Variants in PCGF5 observed in about 807,000 individuals in gnomAD.
PCGF5 encodes the protein polycomb group ring finger 5.
PCGF5 carries 9 observed loss-of-function variants against 44.3 expected under a neutral mutation model. The ratio of observed to expected loss-of-function variants is 0.20; its 90% CI spans 0.12 to 0.35. PCGF5 has a LOEUF of 0.35. Among genes scored for constraint, PCGF5 ranks in the 10% least tolerant of loss-of-function variants. The pLI is 1.00. For synonymous variants in PCGF5, 95 were observed against 102.5 expected, an observed-to-expected ratio of 0.93 and a Z score of 0.44; for missense variants, 146 against 305.3, an observed-to-expected ratio of 0.48 and a Z score of 3.89.
chr10:91,246,950 G>A (rs1156437995), intron 3 of PCGF5, among the ~76,000 whole-genome samples: 2 of 116,602 alleles, frequency 1.7e-5, no homozygotes, highest in African/African-American at 6.6e-5. Flanking sequence ...CAGGCAGATA[G>A]ATAGATGGAT....
At chr10:91,264,390 T>C (rs1845998623) in intron 7 of PCGF5, 41 bp from the exon 8 acceptor site, 2 of 1,442,790 alleles carry the variant, frequency 1.4e-6, no homozygotes. Flanking sequence ...ACTTTTGAAT[T>C]CAACATTATG....
rs559207981 is a variant in PCGF5, at chr10:91,280,503, C to T, written c.*2187C>T. On this transcript the variant is annotated 3_prime_UTR_variant, in exon 10 of 10. Transcript: ENST00000336126. ...GTTTTATATAGAATTCTTTTATTTA[C>T]TGATAATGCATTAACATTTTTATTG... is the stretch of plus-strand genomic sequence containing the variant. 6.6e-6 allele frequency: 1 copy of T among 152,502 alleles called. No homozygotes were observed. Among genetic ancestry groups the T allele is most frequent in the East Asian group, 1.9e-4 (1 of 5,192 alleles). 9.4% of individuals were successfully genotyped at this position (152,502 alleles called of 1,614,324 possible).
At chr10:91,240,381 C>T (rs1024458440) in intron 2 of PCGF5, 103 bp from the exon 3 acceptor site, 3 of 660,038 alleles carry the variant, frequency 4.5e-6, no homozygotes, top group African/African-American at 1.9e-5. Flanking sequence ...TGATATTCTA[C>T]TTGTAGTAGG....
At chr10:91,178,078 C>T (rs994905847) in intron 1 of PCGF5, among the ~76,000 whole-genome samples, 4 of 152,162 alleles carry the variant, frequency 2.6e-5, no homozygotes, top group South Asian at 2.1e-4. Flanking sequence ...ATTTTAATAA[C>T]GATTGGTATA....
intron 1 of PCGF5, among the ~76,000 whole-genome samples, chr10:91,176,242 A>G (rs1347339801): frequency 2.0e-5 from 3 of 151,958 alleles, no homozygotes; most frequent in Non-Finnish European, 4.4e-5. Flanking sequence ...ATTGGCCCCC[A>G]CTCTCTTCTG....
Position 91,186,348 on chromosome 10 carries a change from C to T in PCGF5, c.-184+23267C>T, listed in dbSNP as rs77772166. 5.9e-4 allele frequency among the ~76,000 whole-genome samples: 89 copies of T among 152,054 alleles called. 2 individuals carry two copies. The East Asian group carries it at 0.014, about 24-fold the overall frequency. On this transcript the variant is annotated intron_variant, in intron 1 of 9. Coordinates refer to the PCGF5 transcript ENST00000614189. ...TTCATAGCTCACTAGTTGTCTATGGCGAGAATTCTTAGGTGATTAGCAAGC... is the reference window on the plus strand; with the variant it reads ...TTCATAGCTCACTAGTTGTCTATGGTGAGAATTCTTAGGTGATTAGCAAGC...
Position 91,251,298 on chromosome 10 carries a change from C to G in PCGF5, c.332C>G (p.Thr111Ser). 6.2e-7 allele frequency: 1 copy of G among 1,606,058 alleles called. No individual in the cohort carries two copies. The highest frequency in any genetic ancestry group is 1.1e-5 in the South Asian group (1 of 90,812). The change falls in exon 6 of 10, where the codon ACT becomes AGT. Residue 111 changes from threonine to serine, a missense_variant. Physicochemically the swap from Thr to Ser is moderately conservative, Grantham distance 58 (BLOSUM62 1). Around this residue, in one of 3 missense-constraint regions of PCGF5, gnomAD observed 123 missense variants for 268.6 expected, o/e 0.46. Transcript: ENST00000336126. ...NKPQENGQDD[T>S]SKADKPKVDE... is the part of the protein sequence containing the mutation. ...TTTTGTTTAAATTATACAGATGATA[C>G]TTCAAAAGCTGACAAACCGAAAGTA...
intron 1 of PCGF5, among the ~76,000 whole-genome samples, chr10:91,182,334 G>A (rs1289002055): frequency 6.6e-6 from 1 of 151,940 alleles, no homozygotes; most frequent in African/African-American, 2.4e-5. Context: ...AGATTTTTTA[G>A]TTTATAAGCA....
At chr10:91,259,898 G>A (rs1249339014) in intron 6 of PCGF5, among the ~76,000 whole-genome samples, 1 of 152,052 alleles carries the variant, frequency 6.6e-6, no homozygotes, top group African/African-American at 2.4e-5. Context: ...TCAGGACATA[G>A]GCATGGGCAA....
At position 91,238,601 on chromosome 10, in the gene PCGF5, C is replaced by CTTTTTTTTTTTTTTTT. The variant is rs71487496; in HGVS notation, c.113-1868_113-1853dup. ...CTCTCATTTCTTTCTTTCTTTCTTT[C>CTTTTTTTTTTTTTTTT]TTTTTTTTTTTTTTTTTTTTTTTTT... On this transcript the variant is annotated intron_variant, in intron 2 of 9. Coordinates refer to ENST00000336126, the MANE Select transcript of PCGF5 (RefSeq NM_032373.5). Among the ~76,000 whole-genome samples, 184 of 58,526 alleles carry CTTTTTTTTTTTTTTTT rather than the reference C, an allele frequency of 3.1e-3. 3 individuals carry two copies. Among genetic ancestry groups the CTTTTTTTTTTTTTTTT allele is most frequent in the East Asian group, 0.01 (20 of 1,956 alleles). The allele number at this position is 58,526 out of a possible 152,430, so 38.4% of individuals were successfully genotyped here. A position where few individuals can be genotyped will look rare whatever the true frequency, so the allele number is the denominator to read the frequency against.
intron 1 of PCGF5, among the ~76,000 whole-genome samples, chr10:91,202,117 A>G (rs971567325): frequency 2.0e-5 from 3 of 151,826 alleles, no homozygotes; most frequent in African/African-American, 4.9e-5. Flanking sequence ...CTCACCCCCT[A>G]GGATTATTGT....
chr10:91,214,179 A>G (rs1291171845), intron 1 of PCGF5, among the ~76,000 whole-genome samples: 2 of 152,064 alleles, frequency 1.3e-5, no homozygotes, highest in Non-Finnish European at 2.9e-5. Context: ...GTATGTACCC[A>G]TGGTCCCAGC....
chr10:91,251,548 A>G, intron 6 of PCGF5, 108 bp downstream of exon 6: 1 of 1,032,874 alleles, frequency 9.7e-7, no homozygotes, highest in Non-Finnish European at 1.4e-6. Context: ...CAAAGTTTTA[A>G]TTAACATAAT....
At chr10:91,241,662 T>C (rs955841860) in intron 3 of PCGF5, among the ~76,000 whole-genome samples, 1 of 151,738 alleles carries the variant, frequency 6.6e-6, no homozygotes, top group African/African-American at 2.4e-5. Flanking sequence ...TTTAGTACTT[T>C]TGAACTTAAA....
chr10:91,267,722 T>G (rs1846080814), intron 8 of PCGF5, among the ~76,000 whole-genome samples: 1 of 152,140 alleles, frequency 6.6e-6, no homozygotes, highest in Admixed American at 6.6e-5. Flanking sequence ...AAACAATCAT[T>G]TCTTGATTGA....
In PCGF5 at chr10:91,251,425, G is replaced by A; in HGVS notation, c.459G>A (p.Gly153=). The change falls in exon 6 of 10, where the codon GGG becomes GGA. Residue 153 remains glycine, a synonymous_variant. Coordinates refer to ENST00000336126, the MANE Select transcript of PCGF5 (RefSeq NM_032373.5). ...LDCLRNNGQS[G]DNVVKGLMKK... ...GTTTACGAAATAATGGGCAATCAGG[G>A]GACAATGTAGTAAAGGTGAGTGAAC... is the stretch of plus-strand genomic sequence containing the variant. 6.2e-7 allele frequency: 1 copy of A among 1,610,890 alleles called. No individual in the cohort carries two copies. Among genetic ancestry groups the A allele is most frequent in the Non-Finnish European group, 8.5e-7 (1 of 1,177,900 alleles).
At chr10:91,203,727 C>T (rs1271574881) in intron 1 of PCGF5, among the ~76,000 whole-genome samples, 5 of 152,056 alleles carry the variant, frequency 3.3e-5, no homozygotes, top group Admixed American at 6.5e-5. Flanking sequence ...TTGTTTTCTC[C>T]GTTCTCTTAA....
chr10:91,173,160 G>A (rs1215552402), intron 1 of PCGF5, among the ~76,000 whole-genome samples: 1 of 152,202 alleles, frequency 6.6e-6, no homozygotes, highest in Non-Finnish European at 1.5e-5. Flanking sequence ...TACCATATGG[G>A]ATGCAACACA....
chr10:91,283,625 C>G lies in PCGF5; in HGVS notation c.*5309C>G, dbSNP rs1846505136. The G allele has an allele frequency of 1.3e-5, 2 of 151,644 alleles. No individual in the cohort carries two copies. Among genetic ancestry groups the G allele is most frequent in the South Asian group, 4.2e-4 (2 of 4,814 alleles). The allele number at this position is 151,644 out of a possible 1,614,324, so 9.4% of individuals were successfully genotyped here. On this transcript the variant is annotated 3_prime_UTR_variant, in exon 10 of 10. Transcript: ENST00000336126. Reference sequence around the variant, plus strand: ...GATCAGCCTAGCATTGTTTGGTGTTCTTTTGTTGTATTTTTTAGAATGGGG... The same window carrying G: ...GATCAGCCTAGCATTGTTTGGTGTTGTTTTGTTGTATTTTTTAGAATGGGG...
Sources: gnomAD v4.1 joint callset for allele counts (sites outside exome capture counted in the v4.1 genomes callset) on GRCh38, gnomAD v4.1.1 for gene constraint, gnomAD v4.1.1 regional missense constraint, MANE v1.5 for transcripts, NCBI Gene and HGNC (gene_info 2026-07-23, HGNC 2026-07-21) for gene names.